The following PLCB4 variants were observed in gnomAD, a reference collection of about 807,000 sequenced individuals.
PLCB4 encodes phospholipase C beta 4.
A neutral mutation model predicts 178.8 loss-of-function variants in PLCB4; 77 were observed. That is an observed-to-expected ratio of 0.43 (90% CI 0.36 to 0.52). The LOEUF (loss-of-function observed/expected upper bound fraction) is 0.52, where lower values mean the gene tolerates loss of function less well. Among genes scored for constraint, PLCB4 ranks in the 20% least tolerant of loss-of-function variants. The pLI is 0.00. For synonymous variants in PLCB4, 496 were observed against 490.8 expected (o/e 1.01, Z -0.14); for missense variants, 1,024 against 1,453.4 (o/e 0.70, Z 4.80).
intron 3 of PLCB4, among the ~76,000 whole-genome samples, chr20:9,266,519 A>G (rs1326298412): frequency 6.6e-6 from 1 of 152,172 alleles, no homozygotes; most frequent in Admixed American, 6.5e-5. Context: ...TATCAATTTA[A>G]TAGTTAGTAT....
At chr20:9,407,200 G>A (rs967857840) in intron 21 of PLCB4, among the ~76,000 whole-genome samples, 1 of 152,140 alleles carries the variant, frequency 6.6e-6, no homozygotes, top group African/African-American at 2.4e-5. Flanking sequence ...CACTTCAACA[G>A]AAACTCTGAG....
intron 35 of PLCB4, among the ~76,000 whole-genome samples, chr20:9,463,630 C>A (rs1422029997): frequency 1.4e-5 from 2 of 148,142 alleles, no homozygotes; most frequent in African/African-American, 5.0e-5. Flanking sequence ...GGTTGCAATC[C>A]TAGTCTCTAA....
intron 38 of PLCB4, among the ~76,000 whole-genome samples, chr20:9,474,097 G>A (rs1324749217): frequency 6.6e-6 from 1 of 151,936 alleles, no homozygotes; most frequent in Non-Finnish European, 1.5e-5. Flanking sequence ...TGCACCTGTA[G>A]TCCCAGCTAC....
intron 7 of PLCB4, among the ~76,000 whole-genome samples, chr20:9,352,811 T>A (rs903657861): frequency 9.9e-5 from 15 of 152,204 alleles, no homozygotes; most frequent in African/African-American, 3.4e-4. Context: ...TAGGAATGTA[T>A]AAATATTATC....
At chr20:9,096,445 C>T (rs1365938058) in intron 2 of PLCB4, 103 bp downstream of exon 2, 1 of 152,180 alleles carries the variant, frequency 6.6e-6, no homozygotes, top group Non-Finnish European at 1.5e-5. Context: ...GCCACTAACA[C>T]GTGCCATTGT....
chr20:9,476,739 T>C lies in PLCB4; in HGVS notation c.3518T>C (p.Val1173Ala). 2 of 1,610,340 alleles carry C rather than the reference T, an allele frequency of 1.2e-6. No individual in the cohort carries two copies. Among genetic ancestry groups the C allele is most frequent in the East Asian group, 2.2e-5 (1 of 44,848 alleles). The part of the protein sequence containing the change: ...NEQLLKSCHA[V>A]SQTQGEGDAA... Reference sequence around the variant, plus strand: ...CAGCTTTTGAAATCCTGTCATGCAGTGTCCCAAACGCAAGGTAGGACCGAA... The same window carrying C: ...CAGCTTTTGAAATCCTGTCATGCAGCGTCCCAAACGCAAGGTAGGACCGAA... The change falls in exon 39 of 40, where the codon GTG (valine) becomes GCG (alanine). Residue 1173 changes from valine (V) to alanine (A), a missense_variant. Physicochemically the swap from Val to Ala is moderately conservative, Grantham distance 64. Transcript: ENST00000378473.
In PLCB4 at chr20:9,365,459, AG is replaced by A. The variant is rs2035694961; in HGVS notation, c.450-1del. The A allele has an allele frequency of 6.2e-7, 1 of 1,600,450 alleles. No individual in the cohort carries two copies. The highest frequency in any genetic ancestry group is 1.3e-5 in the African/African-American group (1 of 74,668). ...GGCAATGTTATTGCTATTGTTTTGC[AG>A]CTGGATGAAATTGGCATTTATGACC... On this transcript the variant is annotated splice_acceptor_variant, in intron 8 of 39. Coordinates refer to ENST00000378473, the MANE Select transcript of PLCB4 (RefSeq NM_001377142.1). LOFTEE classifies it high-confidence loss of function.
At chr20:9,425,277 A>T (rs2040921367) in intron 28 of PLCB4, among the ~76,000 whole-genome samples, 1 of 152,148 alleles carries the variant, frequency 6.6e-6, no homozygotes, top group South Asian at 2.1e-4. Context: ...GTTAAATCAT[A>T]CTCCACATAC....
Position 9,310,515 on chromosome 20 carries a change from T to C in PLCB4, c.84+2617T>C, listed in dbSNP as rs369562777. 6.8e-4 allele frequency among the ~76,000 whole-genome samples: 104 copies of C among 152,030 alleles called. 2 individuals carry two copies. Among genetic ancestry groups the C allele is most frequent in the African/African-American group, 2.4e-3 (101 of 41,448 alleles). On this transcript the variant is annotated intron_variant, in intron 4 of 39. Transcript: ENST00000378473. ...CAGTAGGTCAGGAGATTGAGACCAT[T>C]CTGGCTAACACAGTGAAACCCCATT...
chr20:9,072,621 C>G (rs2089628224), intron 1 of PLCB4, among the ~76,000 whole-genome samples: 1 of 151,988 alleles, frequency 6.6e-6, no homozygotes, highest in South Asian at 2.1e-4. Context: ...ATTTGCAAGG[C>G]CCACTTCACT....
intron 39 of PLCB4, 145 bp from the exon 40 acceptor site, chr20:9,478,776 C>CTGA: frequency 6.2e-6 from 4 of 645,948 alleles, no homozygotes; most frequent in Non-Finnish European, 1.1e-5. Context: ...CCAGGCAATG[C>CTGA]TGATGCTGCT....
At chr20:9,107,182 G>C (rs2091397036) in intron 2 of PLCB4, among the ~76,000 whole-genome samples, 1 of 152,076 alleles carries the variant, frequency 6.6e-6, no homozygotes, top group Non-Finnish European at 1.5e-5. Flanking sequence ...GGTTATAGTG[G>C]AGCATTTATT....
At chr20:9,145,644 T>A (rs1320929677) in intron 2 of PLCB4, among the ~76,000 whole-genome samples, 1 of 152,058 alleles carries the variant, frequency 6.6e-6, no homozygotes, top group Non-Finnish European at 1.5e-5. Context: ...GGCTTCCCAT[T>A]CGTTCATTTC....
At chr20:9,184,264 A>G (rs1191515635) in intron 2 of PLCB4, among the ~76,000 whole-genome samples, 2 of 152,138 alleles carry the variant, frequency 1.3e-5, no homozygotes, top group Non-Finnish European at 2.9e-5. Flanking sequence ...AGCATTCTTT[A>G]GCTTCTTTTA....
At chr20:9,207,754 GT>G (rs1226885671) in intron 2 of PLCB4, among the ~76,000 whole-genome samples, 15 of 152,198 alleles carry the variant, frequency 9.9e-5, no homozygotes. Flanking sequence ...AGCTTTTGCT[GT>G]GTTTTCATTG....
chr20:9,355,133 G>A (rs921500974), intron 7 of PLCB4, among the ~76,000 whole-genome samples: 3 of 152,108 alleles, frequency 2.0e-5, no homozygotes, highest in East Asian at 1.9e-4. Context: ...AGTGCTATCC[G>A]CATAGTTCTT....
intron 30 of PLCB4, among the ~76,000 whole-genome samples, chr20:9,442,064 CA>C (rs1568844885): frequency 6.6e-6 from 1 of 152,126 alleles, no homozygotes; most frequent in Non-Finnish European, 1.5e-5. Flanking sequence ...AGCTAAAACC[CA>C]AAATGTGCTG....
chr20:9,381,746 A>G (rs949510173), intron 13 of PLCB4, among the ~76,000 whole-genome samples: 2 of 152,214 alleles, frequency 1.3e-5, no homozygotes, highest in Non-Finnish European at 2.9e-5. Flanking sequence ...CTACATTGGT[A>G]CAACCATCTT....
chr20:9,326,718 A>G (rs2030648855), intron 4 of PLCB4, among the ~76,000 whole-genome samples: 2 of 152,076 alleles, frequency 1.3e-5, no homozygotes, highest in Non-Finnish European at 2.9e-5. Context: ...TCTTGGCCTG[A>G]TTGTAGACTG....
Sources: allele counts gnomAD v4.1 joint callset (sites outside exome capture counted in the v4.1 genomes callset), GRCh38; gene constraint gnomAD v4.1.1; transcripts MANE v1.5; gene names NCBI Gene and HGNC (gene_info 2026-07-23, HGNC 2026-07-21).